The following TIAM2 variants were observed in gnomAD, a reference collection of about 807,000 sequenced individuals.
The protein encoded by TIAM2 is TIAM Rac1 associated GEF 2, also known as rho guanine nucleotide exchange factor TIAM2.
Under a neutral mutation model 152.9 loss-of-function variants are expected in TIAM2, and 80 were observed. The ratio of observed to expected loss-of-function variants is 0.52; its 90% CI spans 0.44 to 0.63. The LOEUF is 0.63. Among genes scored for constraint, TIAM2 ranks in the 30% least tolerant of loss-of-function variants. The pLI is 0.00. For missense variants in TIAM2, 1,965 were observed against 2,120.1 expected, an observed-to-expected ratio of 0.93 and a Z score of 1.44; for synonymous variants, 804 against 838.0, an observed-to-expected ratio of 0.96 and a Z score of 0.70.
chr6:155,142,205 G>A (rs544263988), intron 5 of TIAM2, among the ~76,000 whole-genome samples: 1 of 151,622 alleles, frequency 6.6e-6, no homozygotes, highest in African/African-American at 2.4e-5. Flanking sequence ...GCAGAGTCCC[G>A]TGAAGTTGAA....
chr6:155,118,429 CTTTTTCTTTTTTTTT>C (rs1180027982), intron 2 of TIAM2, among the ~76,000 whole-genome samples: 3 of 132,340 alleles, frequency 2.3e-5, no homozygotes, highest in African/African-American at 8.8e-5. Context: ...TTTTCTTTTT[CTTTTTCTTTTTTTTT>C]TTTTTTGAGA....
chr6:155,189,959 G>GA (rs1237024902), intron 14 of TIAM2, among the ~76,000 whole-genome samples: 8 of 152,260 alleles, frequency 5.3e-5, no homozygotes, highest in Non-Finnish European at 1.0e-4. Context: ...CTTTCACATA[G>GA]AGCAAGCAAG....
At chr6:155,143,475 A>C (rs867426844) in intron 5 of TIAM2, among the ~76,000 whole-genome samples, 5 of 151,084 alleles carry the variant, frequency 3.3e-5, no homozygotes, top group Middle Eastern at 3.2e-3. Flanking sequence ...GTTTTCTATT[A>C]GTTTCACTTT....
intron 7 of TIAM2, among the ~76,000 whole-genome samples, chr6:155,161,837 C>G (rs888458235): frequency 2.0e-5 from 3 of 152,124 alleles, no homozygotes; most frequent in African/African-American, 7.2e-5. Flanking sequence ...ATCGGCCTCC[C>G]GAAGTGCTGG....
chr6:155,050,766 G>T (rs541295953), intron 1 of TIAM2, among the ~76,000 whole-genome samples: 1 of 152,212 alleles, frequency 6.6e-6, no homozygotes, highest in South Asian at 2.1e-4. Flanking sequence ...CTTTTACAGT[G>T]GTGTCTTTTT....
At chr6:155,250,745 A>G in intron 21 of TIAM2, 168 bp from the exon 22 acceptor site, 3 of 1,140,972 alleles carry the variant, frequency 2.6e-6, no homozygotes, top group Non-Finnish European at 2.5e-6. Context: ...TGCTTAACTC[A>G]TATTTTCAAA....
At chr6:155,113,140 T>A (rs1298622515) in intron 2 of TIAM2, among the ~76,000 whole-genome samples, 4 of 152,188 alleles carry the variant, frequency 2.6e-5, no homozygotes, top group Admixed American at 2.6e-4. Context: ...ACTGGCTCTG[T>A]GGCCCCTCTC....
chr6:155,171,903 C>G (rs1276522952), intron 9 of TIAM2, among the ~76,000 whole-genome samples: 1 of 152,106 alleles, frequency 6.6e-6, no homozygotes, highest in African/African-American at 2.4e-5. Context: ...ATAGACTTTC[C>G]TTTTATCAGC....
At chr6:155,019,158 A>G (rs187034526) in intron 1 of TIAM2, among the ~76,000 whole-genome samples, 1 of 152,046 alleles carries the variant, frequency 6.6e-6, no homozygotes, top group Non-Finnish European at 1.5e-5. Context: ...CAATGCGGTG[A>G]AACCCCTTCT....
intron 1 of TIAM2, among the ~76,000 whole-genome samples, chr6:155,062,538 A>G (rs1049961716): frequency 2.6e-5 from 4 of 151,406 alleles, no homozygotes; most frequent in African/African-American, 9.7e-5. Flanking sequence ...TAGTAAGTGT[A>G]TAGTAATATC....
At position 155,218,067 on chromosome 6, in the gene TIAM2, G is replaced by A. The variant is rs559707301; in HGVS notation, c.3168+6760G>A. Among the ~76,000 whole-genome samples the A allele has an allele frequency of 3.9e-5, 6 of 152,270 alleles. 1 individual carries two copies. The South Asian group carries it at 1.2e-3, about 32-fold the overall frequency. On this transcript the variant is annotated intron_variant, in intron 15 of 26. Transcript: ENST00000682666. The surrounding 1 kb of genome is among the most constrained non-coding windows in gnomAD (Gnocchi z 4.5). The stretch of plus-strand genomic sequence containing the variant: ...TTCTTGGAGTTTTCGTCTTCCTTTG[G>A]TGTATACTTGCCTGCATTATTGCAA...
Position 155,176,803 on chromosome 6 carries a change from C to T in TIAM2, c.2362-13C>T, listed in dbSNP as rs200131958. The T allele has an allele frequency of 1.7e-5, 27 of 1,601,090 alleles. No individual in the cohort carries two copies. The highest frequency in any genetic ancestry group is 1.7e-5 in the Non-Finnish European group (20 of 1,175,888). On this transcript the variant is annotated splice_polypyrimidine_tract_variant and intron_variant, in intron 9 of 26. Transcript: ENST00000682666. ...CAAATTTGTCTGCATTTTCTTTTGG[C>T]ATCTACAAACAGGTCGATGAACTTC...
chr6:155,004,463 T>C (rs1272406587), intron 1 of TIAM2, among the ~76,000 whole-genome samples: 1 of 152,146 alleles, frequency 6.6e-6, no homozygotes, highest in Non-Finnish European at 1.5e-5. Context: ...TGATCTTGGC[T>C]CACTGCAACC....
At chr6:155,187,174 A>AC (rs1781059447) in intron 14 of TIAM2, among the ~76,000 whole-genome samples, 1 of 152,176 alleles carries the variant, frequency 6.6e-6, no homozygotes, top group African/African-American at 2.4e-5. Flanking sequence ...AACAAGCTAC[A>AC]CAGAGTTCAG....
intron 1 of TIAM2, among the ~76,000 whole-genome samples, chr6:155,081,209 C>A (rs1487217424): frequency 6.6e-6 from 1 of 152,156 alleles, no homozygotes; most frequent in Non-Finnish European, 1.5e-5. Flanking sequence ...TTTCCAGATT[C>A]TGCTTAAGTC....
intron 1 of TIAM2, among the ~76,000 whole-genome samples, chr6:155,079,244 T>C (rs1431415513): frequency 1.3e-5 from 2 of 152,134 alleles, no homozygotes; most frequent in Non-Finnish European, 2.9e-5. Context: ...GTATTTTTAC[T>C]AGAGACTGGG....
At chr6:155,075,552 A>G (rs1777937394) in intron 1 of TIAM2, among the ~76,000 whole-genome samples, 1 of 152,230 alleles carries the variant, frequency 6.6e-6, no homozygotes, top group African/African-American at 2.4e-5. Context: ...GAAGGAGAGA[A>G]TAAAGGTTGA....
intron 1 of TIAM2, among the ~76,000 whole-genome samples, chr6:155,088,639 A>AG (rs1778225994): frequency 6.6e-6 from 1 of 151,950 alleles, no homozygotes; most frequent in Non-Finnish European, 1.5e-5. Flanking sequence ...GAGCTCACTG[A>AG]GGTGGTCATG....
intron 2 of TIAM2, among the ~76,000 whole-genome samples, chr6:155,119,266 T>G (rs1779094532): frequency 1.3e-5 from 2 of 151,492 alleles, no homozygotes; most frequent in African/African-American, 4.8e-5. Flanking sequence ...GACTCCTGAC[T>G]TCATGTGATC....
Sources: gnomAD v4.1 joint callset for allele counts (sites outside exome capture counted in the v4.1 genomes callset) on GRCh38, gnomAD v4.1.1 for gene constraint, Gnocchi (gnomAD v3.1) non-coding constraint, MANE v1.5 for transcripts, NCBI Gene and HGNC (gene_info 2026-07-23, HGNC 2026-07-21) for gene names.